Variants in CPLANE1 observed in about 807,000 individuals in gnomAD.
The protein encoded by CPLANE1 is ciliogenesis and planar polarity effector 1.
In CPLANE1, 263 loss-of-function variants were observed where a neutral mutation model predicts 362.5. That is an observed-to-expected ratio of 0.73 (90% confidence interval 0.66 to 0.80). The LOEUF (loss-of-function observed/expected upper bound fraction) is 0.80. Ranked by LOEUF, CPLANE1 falls within the 30% of genes least tolerant of loss-of-function variation. The pLI, the probability that CPLANE1 is intolerant of heterozygous loss-of-function variation, is 0.00. For missense variants in CPLANE1, 3,461 were observed against 3,793.4 expected (o/e 0.91, Z 2.30); for synonymous variants, 1,212 against 1,302.6 (o/e 0.93, Z 1.50).
At chr5:37,180,798 CCAAATGCCAT>C in intron 27 of CPLANE1, 49 bp downstream of exon 27, 1 of 1,530,688 alleles carries the variant, frequency 6.5e-7, no homozygotes, top group South Asian at 1.2e-5. Context: ...CCCTTTAAGC[CCAAATGCCAT>C]CAAACTACAT....
chr5:37,148,326 C>T, intron 42 of CPLANE1, 58 bp from the exon 43 acceptor site: 1 of 1,269,382 alleles, frequency 7.9e-7, no homozygotes, highest in South Asian at 1.5e-5. Context: ...TTCAAAATAA[C>T]AAACAGTTTT....
At chr5:37,187,939 G>T in intron 21 of CPLANE1, 97 bp from the exon 22 acceptor site, 1 of 721,730 alleles carries the variant, frequency 1.4e-6, no homozygotes, top group Non-Finnish European at 2.2e-6. Context: ...TCAAAATAAA[G>T]GTCTTTATTT....
intron 43 of CPLANE1, among the ~76,000 whole-genome samples, chr5:37,145,024 G>A (rs1367119830): frequency 6.6e-6 from 1 of 151,696 alleles, no homozygotes; most frequent in Non-Finnish European, 1.5e-5. Context: ...AGTTATCAGA[G>A]GCCGGGCGTG....
downstream of CPLANE1, among the ~76,000 whole-genome samples, chr5:37,101,722 T>C (rs1757300970): frequency 6.6e-6 from 1 of 152,170 alleles, no homozygotes; most frequent in Non-Finnish European, 1.5e-5. Flanking sequence ...TATAAATCCG[T>C]CTGGTCCTGG....
At chr5:37,191,982 C>A (rs1785670979) in intron 21 of CPLANE1, among the ~76,000 whole-genome samples, 1 of 151,964 alleles carries the variant, frequency 6.6e-6, no homozygotes, top group African/African-American at 2.4e-5. Context: ...ATAGAAATGT[C>A]CGAGGCCTTC....
Position 37,244,453 on chromosome 5 carries a change from G to T in CPLANE1, c.492C>A (p.Val164=). 1 of 1,551,268 alleles carries T rather than the reference G, an allele frequency of 6.4e-7. No individual in the cohort carries two copies. Among genetic ancestry groups the T allele is most frequent in the South Asian group, 1.2e-5 (1 of 83,978 alleles). Residue 164 remains valine (V), a synonymous_variant, in exon 5 of 53, where the codon GTC becomes GTA. Transcript: ENST00000651892. ...GCAAGAGAACTGCTTCTTCAGGTAT[G>T]ACCTGGGACCACCGACCCGCCAATG... is the stretch of plus-strand genomic sequence containing the variant. The part of the protein sequence containing the change: ...SLSLAGRWSQ[V]IPEEAVLLPS...
Position 37,121,693 on chromosome 5 carries a change from G to C in CPLANE1, c.9109C>G (p.Leu3037Val). The C allele has an allele frequency of 6.2e-7, 1 of 1,614,082 alleles. No homozygotes were observed. Among genetic ancestry groups the C allele is most frequent in the Non-Finnish European group, 8.5e-7 (1 of 1,179,914 alleles). The part of the protein sequence containing the change: ...LLSESVQLPT[L>V]PQKPLPNKPS... ...TTGTTAGGCAATGGTTTCTGTGGTA[G>C]AGTTGGTAGCTGTACTGACTCAGAT... The change falls in exon 49 of 53, where the codon CTA becomes GTA. Residue 3037 changes from leucine (L) to valine (V), a missense_variant. Coordinates refer to ENST00000651892, the MANE Select transcript of CPLANE1 (RefSeq NM_001384732.1).
intron 21 of CPLANE1, among the ~76,000 whole-genome samples, chr5:37,192,804 C>T (rs1248177805): frequency 3.5e-5 from 5 of 141,968 alleles, no homozygotes; most frequent in African/African-American, 1.3e-4. Context: ...TGCAGTGAGC[C>T]GAGAGCGTGC....
intron 21 of CPLANE1, among the ~76,000 whole-genome samples, chr5:37,195,159 A>T (rs1786968617): frequency 6.6e-6 from 1 of 151,780 alleles, no homozygotes; most frequent in African/African-American, 2.4e-5. Flanking sequence ...CATCTCAAAA[A>T]AAAAAAAAAA....
intron 21 of CPLANE1, among the ~76,000 whole-genome samples, chr5:37,195,455 GC>G (rs1160805170): frequency 6.6e-6 from 1 of 151,914 alleles, no homozygotes; most frequent in African/African-American, 2.4e-5. Flanking sequence ...ACAAAAATTA[GC>G]TGGGTGTGGT....
Position 37,230,990 on chromosome 5 carries a change from A to G in CPLANE1, c.998T>C (p.Leu333Ser). 1 of 1,551,438 alleles carries G rather than the reference A, an allele frequency of 6.4e-7. No individual in the cohort carries two copies. Among genetic ancestry groups the G allele is most frequent in the African/African-American group, 1.4e-5 (1 of 73,164 alleles). The change falls in exon 9 of 53, where the codon TTA becomes TCA. Residue 333 changes from leucine (L) to serine (S), a missense_variant. Coordinates refer to ENST00000651892, the MANE Select transcript of CPLANE1 (RefSeq NM_001384732.1). ...THDSLFLACM[L>S]KRGSLVLLTC... ...CAATAAAACCAGAGAGCCACGTTTT[A>G]ACATACAAGCCAGAAAAAGACTATC...
chr5:37,222,030 T>C (rs950179397), intron 14 of CPLANE1, among the ~76,000 whole-genome samples: 3 of 151,926 alleles, frequency 2.0e-5, no homozygotes, highest in Admixed American at 6.6e-5. Context: ...AGAGACTTAC[T>C]GAAGCAGAAG....
Position 37,213,655 on chromosome 5 carries a change from T to C in CPLANE1, c.2824A>G (p.Met942Val), listed in dbSNP as rs918958290. 21 of 1,545,438 alleles carry C rather than the reference T, an allele frequency of 1.4e-5. No homozygotes were observed. The Admixed American group carries it at 4.1e-4, about 31-fold the overall frequency. The change falls in exon 16 of 53, where the codon ATG (methionine) becomes GTG (valine). Residue 942 changes from methionine to valine, a missense_variant. Physicochemically the swap from Met to Val is conservative, Grantham distance 21. Transcript: ENST00000651892. ...PEAAVRVVQS[M>V]ARFMAAYFTN... Reference sequence around the variant, plus strand: ...AAATAGGCAGCCATGAAACGAGCCATGGACTGGACGACTCTCACTGCTGCC... The same window carrying C: ...AAATAGGCAGCCATGAAACGAGCCACGGACTGGACGACTCTCACTGCTGCC...
Position 37,209,566 on chromosome 5 carries a change from C to G in CPLANE1, c.2921-3141G>C, listed in dbSNP as rs1791991673. 4 of 1,336,098 alleles carry G rather than the reference C, an allele frequency of 3.0e-6. No homozygotes were observed. The South Asian group carries it at 4.7e-5, about 16-fold the overall frequency. 82.8% of individuals were successfully genotyped at this position (1,336,098 alleles called of 1,614,324 possible). ...CAGTCCATTTCAGTGCAAGGGAGCT[C>G]CCTCTTAATAAGTGCCTCTAACTCT... On this transcript the variant is annotated intron_variant, in intron 16 of 52. Transcript: ENST00000651892. This position sits in a 1 kb window ranked among gnomAD's most constrained non-coding sequence, Gnocchi z 4.6.
intron 47 of CPLANE1, among the ~76,000 whole-genome samples, chr5:37,123,565 A>G (rs1763257617): frequency 6.6e-6 from 1 of 152,364 alleles, no homozygotes; most frequent in East Asian, 1.9e-4. Context: ...TTTTGAGACA[A>G]GAGTGCACTC....
intron 24 of CPLANE1, among the ~76,000 whole-genome samples, chr5:37,185,934 T>C (rs1308308593): frequency 1.3e-5 from 2 of 152,234 alleles, no homozygotes; most frequent in Non-Finnish European, 2.9e-5. Flanking sequence ...AAGTACCATA[T>C]GCTCATTTTA....
In CPLANE1 at chr5:37,213,631, A is replaced by G; in HGVS notation, c.2848T>C (p.Phe950Leu). ...QSMARFMAAYFTNQQLCILPP... is the reference protein window; with the variant it reads ...QSMARFMAAYLTNQQLCILPP... ...AAAATGCAAAGCTGCTGATTGGTGAAATAGGCAGCCATGAAACGAGCCATG... is the reference window on the plus strand; with the variant it reads ...AAAATGCAAAGCTGCTGATTGGTGAGATAGGCAGCCATGAAACGAGCCATG... The change falls in exon 16 of 53, where the codon TTC becomes CTC. Residue 950 changes from phenylalanine (F) to leucine (L), a missense_variant. Transcript: ENST00000651892. 1 of 1,547,926 alleles carries G rather than the reference A, an allele frequency of 6.5e-7. No individual in the cohort carries two copies.
chr5:37,103,199 G>A (rs1329502823), downstream of CPLANE1, among the ~76,000 whole-genome samples: 1 of 152,028 alleles, frequency 6.6e-6, no homozygotes, highest in Admixed American at 6.6e-5. Flanking sequence ...CCAGGATTGT[G>A]ACCCCAGCTT....
At chr5:37,140,323 A>G (rs897438471) in intron 44 of CPLANE1, 1 of 977,384 alleles carries the variant, frequency 1.0e-6, no homozygotes. Flanking sequence ...TTTTAATATG[A>G]AATACCTGTT....
Sources: allele counts gnomAD v4.1 joint callset (sites outside exome capture counted in the v4.1 genomes callset), GRCh38; gene constraint gnomAD v4.1.1; non-coding constraint Gnocchi (gnomAD v3.1); transcripts MANE v1.5; gene names NCBI Gene and HGNC (gene_info 2026-07-23, HGNC 2026-07-21).